The following PDZD2 variants were observed in gnomAD, a reference collection of about 807,000 sequenced individuals.
PDZD2 encodes the protein PDZ domain containing 2.
Under a neutral mutation model 220.7 loss-of-function variants are expected in PDZD2, and 90 were observed. That is an observed-to-expected ratio of 0.41 (90% CI 0.34 to 0.49). The LOEUF (loss-of-function observed/expected upper bound fraction) is 0.49, where lower values mean the gene tolerates loss of function less well. PDZD2 is among the 20% of genes least tolerant of loss of function. The pLI is 0.28. For missense variants in PDZD2, 3,174 were observed against 3,608.5 expected (o/e 0.88, Z 3.08); for synonymous variants, 1,375 against 1,450.5 (o/e 0.95, Z 1.18).
chr5:31,935,105 GA>G (rs1745610027), intron 2 of PDZD2, among the ~76,000 whole-genome samples: 1 of 147,720 alleles, frequency 6.8e-6, no homozygotes, highest in Non-Finnish European at 1.5e-5. Flanking sequence ...AAAAAAGAAA[GA>G]AAATAGAATG....
intron 7 of PDZD2, among the ~76,000 whole-genome samples, chr5:32,038,919 TGCACATTAAAGCATTTA>T (rs1755779072): frequency 6.6e-6 from 1 of 152,222 alleles, no homozygotes; most frequent in Non-Finnish European, 1.5e-5. Flanking sequence ...TTTTAAGAAA[TGCACATTAAAGCATTTA>T]GCACAATGTG....
intron 6 of PDZD2, among the ~76,000 whole-genome samples, chr5:32,021,618 C>T (rs1223127921): frequency 6.6e-6 from 1 of 152,142 alleles, no homozygotes; most frequent in Admixed American, 6.5e-5. Flanking sequence ...GACTTTCTAA[C>T]TCCTCCACGC....
chr5:31,652,903 T>G (rs1745405822), intron 1 of PDZD2, among the ~76,000 whole-genome samples: 1 of 152,050 alleles, frequency 6.6e-6, no homozygotes, highest in African/African-American at 2.4e-5. Flanking sequence ...TCTCAGCTGC[T>G]TGGGAGGCTG....
rs576653385 is a variant in PDZD2 at position 31,788,775 on chromosome 5, T to C, written c.-360-10114T>C. The stretch of plus-strand genomic sequence containing the variant: ...ATTTGCACTGTTTCTCAATCAGTTG[T>C]ATGTTTGTGTGAGACACCTGGGACT... On this transcript the variant is annotated intron_variant, in intron 1 of 24. Transcript: ENST00000438447. 1.3e-4 allele frequency among the ~76,000 whole-genome samples: 20 copies of C among 152,368 alleles called. 1 individual carries two copies. In the South Asian group the frequency reaches 3.9e-3, roughly 30 times the overall value.
intron 1 of PDZD2, among the ~76,000 whole-genome samples, chr5:31,771,874 C>G (rs1047094097): frequency 6.6e-6 from 1 of 151,838 alleles, no homozygotes; most frequent in Admixed American, 6.6e-5. Flanking sequence ...TTTTTTTAAC[C>G]TATTAAATGA....
At chr5:31,890,896 C>CT (rs1740966132) in intron 2 of PDZD2, among the ~76,000 whole-genome samples, 1 of 152,156 alleles carries the variant, frequency 6.6e-6, no homozygotes, top group Non-Finnish European at 1.5e-5. Context: ...TGGTCCTAGT[C>CT]TATCTTTCAT....
intron 2 of PDZD2, among the ~76,000 whole-genome samples, chr5:31,878,384 T>C (rs1044529862): frequency 2.0e-5 from 3 of 151,990 alleles, no homozygotes; most frequent in Non-Finnish European, 4.4e-5. Flanking sequence ...TTAAAAGCAC[T>C]ATTCTCTTTT....
intron 2 of PDZD2, among the ~76,000 whole-genome samples, chr5:31,931,113 C>T (rs1313800635): frequency 6.6e-6 from 1 of 152,150 alleles, no homozygotes; most frequent in Non-Finnish European, 1.5e-5. Flanking sequence ...ACCTCTGCCT[C>T]CTGGGTTCAA....
chr5:32,106,729 G>A (rs1356714532), intron 24 of PDZD2, among the ~76,000 whole-genome samples: 2 of 152,104 alleles, frequency 1.3e-5, no homozygotes, highest in Admixed American at 6.5e-5. Context: ...GAAGGCCTTC[G>A]GTTAATATGC....
Position 32,057,673 on chromosome 5 carries a change from TA to T in PDZD2, c.1922del (p.Asn641MetfsTer5). The T allele has an allele frequency of 6.3e-7, 1 of 1,585,312 alleles. No homozygotes were observed. Among genetic ancestry groups the T allele is most frequent in the Non-Finnish European group, 8.6e-7 (1 of 1,156,236 alleles). ...RLKEGDEILD[V>X]NGIPIKGLTF... The stretch of plus-strand genomic sequence containing the variant: ...TCACTAGGGGATGAAATCCTAGATG[TA>T]AATGGAATACCAATAAAGGGCTTGA... On this transcript the variant is annotated frameshift_variant, in exon 11 of 25. Transcript: ENST00000438447. LOFTEE classifies it high-confidence loss of function.
chr5:31,797,822 T>C (rs1337021965), intron 1 of PDZD2, among the ~76,000 whole-genome samples: 3 of 152,212 alleles, frequency 2.0e-5, no homozygotes, highest in African/African-American at 7.2e-5. Flanking sequence ...ACCTCTCCCA[T>C]GCATTATTGT....
chr5:32,058,010 G>A lies in PDZD2; in HGVS notation c.2107G>A (p.Ala703Thr). 1 of 1,612,582 alleles carries A rather than the reference G, an allele frequency of 6.2e-7. No homozygotes were observed. Among genetic ancestry groups the A allele is most frequent in the Non-Finnish European group, 8.5e-7 (1 of 1,178,622 alleles). ...PNFNTSGGAS[A>T]GGSDEGSSSS... Reference sequence around the variant, plus strand: ...CTTCAATACCAGTGGGGGAGCCTCAGCGGGAGGTTCCGATGAAGGCAGTTC... The same window carrying A: ...CTTCAATACCAGTGGGGGAGCCTCAACGGGAGGTTCCGATGAAGGCAGTTC... Residue 703 changes from alanine (A) to threonine (T), a missense_variant, in exon 12 of 25, where the codon GCG (alanine) becomes ACG (threonine). By Grantham distance (58) the Ala-to-Thr change is moderately conservative (BLOSUM62 0). Transcript: ENST00000438447.
chr5:31,892,393 A>T (rs1741124315), intron 2 of PDZD2, among the ~76,000 whole-genome samples: 1 of 152,352 alleles, frequency 6.6e-6, no homozygotes, highest in African/African-American at 2.4e-5. Context: ...CAGGGTGATC[A>T]TAGGATTTAT....
chr5:31,857,203 A>G (rs1322095648), intron 2 of PDZD2, among the ~76,000 whole-genome samples: 2 of 152,024 alleles, frequency 1.3e-5, no homozygotes, highest in Non-Finnish European at 2.9e-5. Flanking sequence ...CTTTGCACTT[A>G]TTTCTAGTTA....
intron 6 of PDZD2, among the ~76,000 whole-genome samples, chr5:32,015,895 A>G (rs1036540961): frequency 6.6e-6 from 1 of 152,180 alleles, no homozygotes; most frequent in African/African-American, 2.4e-5. Context: ...CCAAATCTGC[A>G]ATTGTAAAGC....
chr5:31,718,501 G>A (rs998036107), intron 1 of PDZD2, among the ~76,000 whole-genome samples: 4 of 152,160 alleles, frequency 2.6e-5, no homozygotes, highest in Non-Finnish European at 5.9e-5. Context: ...AGTTCTGGAG[G>A]TTGGAAGTCC....
Position 32,108,999 on chromosome 5 carries a change from A to G in PDZD2, c.*864A>G, listed in dbSNP as rs973196820. The G allele has an allele frequency of 5.2e-5, 8 of 152,482 alleles. No homozygotes were observed. The highest frequency in any genetic ancestry group is 1.9e-4 in the African/African-American group (8 of 41,396). 9.4% of individuals were successfully genotyped at this position (152,482 alleles called of 1,614,324 possible). On this transcript the variant is annotated 3_prime_UTR_variant, in exon 25 of 25. Transcript: ENST00000438447. ...TGAACCTGTCTTGATAAGTGCTTGA[A>G]TTCAAGACTGGTCAGTCCAAGAGCA...
chr5:31,980,526 A>G (rs959309143), intron 2 of PDZD2, among the ~76,000 whole-genome samples: 1 of 152,356 alleles, frequency 6.6e-6, no homozygotes, highest in East Asian at 1.9e-4. Context: ...GGACTTGGGC[A>G]TCCCACTCTC....
chr5:31,988,516 A>C (rs73751754), intron 3 of PDZD2, among the ~76,000 whole-genome samples: 5 of 149,670 alleles, frequency 3.3e-5, no homozygotes, highest in African/African-American at 1.3e-4. Context: ...ACCATCCTGG[A>C]AGCTCTCCAA....
Sources: allele counts gnomAD v4.1 joint callset (sites outside exome capture counted in the v4.1 genomes callset), GRCh38; gene constraint gnomAD v4.1.1; transcripts MANE v1.5; gene names NCBI Gene and HGNC (gene_info 2026-07-23, HGNC 2026-07-21).